The following RIC1 variants were observed in gnomAD, a reference collection of about 807,000 sequenced individuals.
The protein encoded by RIC1 is guanine nucleotide exchange factor subunit RIC1.
RIC1 carries 88 observed loss-of-function variants against 169.0 expected under a neutral mutation model. The observed-to-expected ratio is 0.52, with a 90% CI of 0.44 to 0.62. RIC1 has a LOEUF of 0.62. RIC1 is among the 20% of genes least tolerant of loss of function. The pLI, the probability that RIC1 is intolerant of heterozygous loss-of-function variation, is 0.00. For synonymous variants in RIC1, 790 were observed against 601.5 expected, an observed-to-expected ratio of 1.31 and a Z score of -4.59; for missense variants, 1,877 against 1,725.5, an observed-to-expected ratio of 1.09 and a Z score of -1.56.
intron 7 of RIC1, among the ~76,000 whole-genome samples, chr9:5,734,030 T>C (rs1404556466): frequency 1.4e-5 from 2 of 147,494 alleles, no homozygotes; most frequent in Non-Finnish European, 3.0e-5. Context: ...ATATATATAA[T>C]GTATATATTT....
rs1188349431 is a variant in RIC1 at position 5,698,665 on chromosome 9, C to T, written c.332+8627C>T. Reference sequence around the variant, plus strand: ...GTTGGAATCAGAGAGGCCCAGGTTCCAGTTCAGATTCTGCTTTTTCCCAAG... The same window carrying T: ...GTTGGAATCAGAGAGGCCCAGGTTCTAGTTCAGATTCTGCTTTTTCCCAAG... On this transcript the variant is annotated intron_variant, in intron 3 of 25. Coordinates refer to ENST00000414202, the MANE Select transcript of RIC1 (RefSeq NM_020829.4). 2.0e-5 allele frequency among the ~76,000 whole-genome samples: 3 copies of T among 152,130 alleles called. No homozygotes were observed. The East Asian group carries it at 5.8e-4, about 29-fold the overall frequency.
intron 3 of RIC1, among the ~76,000 whole-genome samples, chr9:5,690,945 G>A (rs928725999): frequency 4.0e-5 from 6 of 151,542 alleles, no homozygotes; most frequent in Non-Finnish European, 7.4e-5. Context: ...TAAAATAAAC[G>A]TTAAATAAAA....
chr9:5,750,695 G>C (rs1825667654), intron 12 of RIC1, among the ~76,000 whole-genome samples: 1 of 151,838 alleles, frequency 6.6e-6, no homozygotes, highest in Admixed American at 6.5e-5. Flanking sequence ...TAGAGTTTCT[G>C]TACCTTAGCA....
intron 17 of RIC1, among the ~76,000 whole-genome samples, chr9:5,760,777 A>C (rs1826279366): frequency 6.6e-6 from 1 of 152,190 alleles, no homozygotes; most frequent in Non-Finnish European, 1.5e-5. Flanking sequence ...GAAAGCAGTA[A>C]GCAAGAGTAG....
In RIC1 at chr9:5,756,336, C is replaced by A; in HGVS notation, c.1817C>A (p.Ser606Ter). The A allele has an allele frequency of 6.4e-7, 1 of 1,562,700 alleles. No homozygotes were observed. The highest frequency in any genetic ancestry group is 8.7e-7 in the Non-Finnish European group (1 of 1,149,186). The change falls in exon 16 of 26, where the codon TCA (serine) becomes TAA (stop). Residue 606 changes from serine to a stop codon, truncating the protein, a stop_gained. Transcript: ENST00000414202. LOFTEE classifies it high-confidence loss of function. ...GTAATAGTATTTAGAGCAGACTGTT[C>A]AATATGCCTTTACAGTATTGAAAGA... ...DMVIVFRADC[S>*]ICLYSIERKS...
Position 5,773,096 on chromosome 9 carries a change from C to T in RIC1, c.3983+16C>T. On this transcript the variant is annotated intron_variant, in intron 25 of 25. Transcript: ENST00000414202. The stretch of plus-strand genomic sequence containing the variant: ...CTACAGACTGGTAAGTGCTGCTTTC[C>T]TTAGGCTTGGTGTCCTTCCATGTCT... 1.3e-6 allele frequency: 2 copies of T among 1,554,032 alleles called. No homozygotes were observed. Among genetic ancestry groups the T allele is most frequent in the Non-Finnish European group, 1.7e-6 (2 of 1,149,064 alleles).
chr9:5,680,863 G>C (rs1161223498), intron 2 of RIC1, among the ~76,000 whole-genome samples: 1 of 107,876 alleles, frequency 9.3e-6, no homozygotes, highest in East Asian at 3.0e-4. Context: ...GTCTCGCTCT[G>C]TCGCCCAGGC....
intron 3 of RIC1, among the ~76,000 whole-genome samples, chr9:5,710,228 G>A (rs1000250338): frequency 5.9e-5 from 9 of 152,312 alleles, no homozygotes; most frequent in Admixed American, 2.0e-4. Flanking sequence ...TGAGGCAGGG[G>A]CCATCAACAT....
At chr9:5,650,876 C>A (rs1004903912) in intron 1 of RIC1, among the ~76,000 whole-genome samples, 1 of 152,150 alleles carries the variant, frequency 6.6e-6, no homozygotes, top group African/African-American at 2.4e-5. Flanking sequence ...GTCCAAGTGG[C>A]ATTGCATCAC....
At chr9:5,695,590 T>C (rs893028594) in intron 3 of RIC1, among the ~76,000 whole-genome samples, 2 of 123,010 alleles carry the variant, frequency 1.6e-5, no homozygotes, top group Non-Finnish European at 3.5e-5. Flanking sequence ...TTTTTTTTTT[T>C]GAGACAGAGT....
At chr9:5,767,529 T>G (rs1826865331) in intron 21 of RIC1, among the ~76,000 whole-genome samples, 1 of 151,930 alleles carries the variant, frequency 6.6e-6, no homozygotes, top group African/African-American at 2.4e-5. Flanking sequence ...ATATTCTTAC[T>G]ACCGTGCTTG....
intron 4 of RIC1, among the ~76,000 whole-genome samples, chr9:5,716,890 T>C (rs1823280323): frequency 6.6e-6 from 1 of 152,220 alleles, no homozygotes; most frequent in African/African-American, 2.4e-5. Context: ...TCAGTTGGTC[T>C]CGAGCTCCTG....
At chr9:5,768,919 A>G in intron 21 of RIC1, 51 bp from the exon 22 acceptor site, 1 of 1,544,516 alleles carries the variant, frequency 6.5e-7, no homozygotes, top group Non-Finnish European at 8.7e-7. Flanking sequence ...TAAGGATGTG[A>G]AATCCTCCAG....
At chr9:5,649,202 A>G (rs866059927) in intron 1 of RIC1, among the ~76,000 whole-genome samples, 4 of 152,338 alleles carry the variant, frequency 2.6e-5, no homozygotes, top group Non-Finnish European at 2.9e-5. Context: ...AGAATCCTCA[A>G]ACTAGAAATT....
At chr9:5,657,939 T>G (rs1453393615) in intron 2 of RIC1, among the ~76,000 whole-genome samples, 1 of 152,144 alleles carries the variant, frequency 6.6e-6, no homozygotes, top group Non-Finnish European at 1.5e-5. Context: ...AAATCCTCAC[T>G]GATTTATGTA....
chr9:5,724,832 T>C (rs1823858252), intron 6 of RIC1, among the ~76,000 whole-genome samples: 1 of 152,238 alleles, frequency 6.6e-6, no homozygotes, highest in East Asian at 1.9e-4. Flanking sequence ...TTTTTGTCTT[T>C]GGTTCTGTTT....
chr9:5,689,118 A>G (rs773988566), intron 2 of RIC1, among the ~76,000 whole-genome samples: 56 of 121,672 alleles, frequency 4.6e-4, no homozygotes, highest in Non-Finnish European at 5.8e-4. Context: ...GCGCGATCTT[A>G]GCTCACTGCA....
chr9:5,635,075 C>A (rs900471900), intron 1 of RIC1, among the ~76,000 whole-genome samples: 38 of 152,264 alleles, frequency 2.5e-4, no homozygotes, highest in African/African-American at 8.9e-4. Context: ...GCAGCCTCGA[C>A]CTCTTGGGCT....
chr9:5,668,934 G>A (rs144449293), intron 2 of RIC1, among the ~76,000 whole-genome samples: 32 of 152,112 alleles, frequency 2.1e-4, no homozygotes, highest in African/African-American at 7.0e-4. Flanking sequence ...CTATGACTGG[G>A]CCATACTTTT....
Sources: gnomAD v4.1 joint callset for allele counts (sites outside exome capture counted in the v4.1 genomes callset) on GRCh38, gnomAD v4.1.1 for gene constraint, MANE v1.5 for transcripts, NCBI Gene and HGNC (gene_info 2026-07-23, HGNC 2026-07-21) for gene names.